Variants in FNDC3B observed in about 807,000 individuals in gnomAD.
FNDC3B encodes fibronectin type III domain-containing protein 3B.
Under a neutral mutation model 151.5 loss-of-function variants are expected in FNDC3B, and 12 were observed. That is an observed-to-expected ratio of 0.08 (90% CI 0.05 to 0.13). FNDC3B has a LOEUF of 0.13. Among genes scored for constraint, FNDC3B ranks in the 10% least tolerant of loss-of-function variants. FNDC3B has a pLI of 1.00. For missense variants in FNDC3B, 1,214 were observed against 1,505.3 expected (o/e 0.81, Z 3.20); for synonymous variants, 528 against 549.0 (o/e 0.96, Z 0.54).
chr3:172,366,009 T>G (rs1734606308), intron 23 of FNDC3B, among the ~76,000 whole-genome samples: 2 of 152,208 alleles, frequency 1.3e-5, no homozygotes, highest in African/African-American at 4.8e-5. Flanking sequence ...TATTTGTGAA[T>G]TAAATCCTTT....
At chr3:172,384,082 C>T (rs9831403) in intron 25 of FNDC3B, among the ~76,000 whole-genome samples, 12,804 of 152,094 alleles carry the variant, frequency 0.084, 646 homozygotes, top group Middle Eastern at 0.17. Context: ...TTAAATTTCT[C>T]ATTGGTGTTT....
chr3:172,154,764 G>C (rs1056347017), intron 3 of FNDC3B, among the ~76,000 whole-genome samples: 2 of 152,116 alleles, frequency 1.3e-5, no homozygotes, highest in South Asian at 2.1e-4. Flanking sequence ...GTAGGGTCAC[G>C]GTGTTAGGTC....
At chr3:172,122,125 T>C (rs1720582186) in intron 2 of FNDC3B, among the ~76,000 whole-genome samples, 1 of 152,248 alleles carries the variant, frequency 6.6e-6, no homozygotes, top group African/African-American at 2.4e-5. Flanking sequence ...CGTTTTCATG[T>C]AGGCAGACTC....
intron 1 of FNDC3B, among the ~76,000 whole-genome samples, chr3:172,105,661 C>G (rs1719610552): frequency 6.6e-6 from 1 of 150,786 alleles, no homozygotes; most frequent in Non-Finnish European, 1.5e-5. Flanking sequence ...CCATGTTGCC[C>G]ACACGGGCCT....
intron 3 of FNDC3B, among the ~76,000 whole-genome samples, chr3:172,195,383 GTACAC>G (rs2108679964): frequency 6.6e-6 from 1 of 152,218 alleles, no homozygotes; most frequent in Non-Finnish European, 1.5e-5. Flanking sequence ...TAAACAAATG[GTACAC>G]TATGTAGCAT....
At chr3:172,390,540 CTT>C (rs1173476820) in intron 25 of FNDC3B, among the ~76,000 whole-genome samples, 2 of 144,124 alleles carry the variant, frequency 1.4e-5, no homozygotes, top group African/African-American at 2.5e-5. Flanking sequence ...TTTGGGCTCA[CTT>C]TTTTTTTTTT....
chr3:172,270,323 T>C (rs889419358), intron 6 of FNDC3B, among the ~76,000 whole-genome samples: 1 of 152,224 alleles, frequency 6.6e-6, no homozygotes, highest in Non-Finnish European at 1.5e-5. Context: ...AAAACCCCCA[T>C]GTTTTCCTTT....
chr3:172,381,509 T>C (rs1735434739), intron 25 of FNDC3B, among the ~76,000 whole-genome samples: 1 of 152,096 alleles, frequency 6.6e-6, no homozygotes, highest in South Asian at 2.1e-4. Flanking sequence ...CTGGGATACA[T>C]GTGTAGAATA....
At chr3:172,371,972 A>G (rs945569583) in intron 23 of FNDC3B, among the ~76,000 whole-genome samples, 2 of 152,224 alleles carry the variant, frequency 1.3e-5, no homozygotes, top group Admixed American at 6.5e-5. Context: ...GGAACATTTA[A>G]TAAGTGCTAG....
intron 6 of FNDC3B, among the ~76,000 whole-genome samples, chr3:172,284,850 T>C (rs1435059519): frequency 6.6e-6 from 1 of 151,406 alleles, no homozygotes; most frequent in Non-Finnish European, 1.5e-5. Context: ...CAGGGACATA[T>C]GTCTTAGTGA....
At chr3:172,299,502 G>A (rs1730793668) in intron 9 of FNDC3B, among the ~76,000 whole-genome samples, 1 of 152,010 alleles carries the variant, frequency 6.6e-6, no homozygotes, top group African/African-American at 2.4e-5. Context: ...CAATAAGAAG[G>A]TCTGAATATG....
intron 20 of FNDC3B, 112 bp downstream of exon 20, chr3:172,346,552 T>TC: frequency 1.6e-6 from 1 of 623,298 alleles, no homozygotes. Flanking sequence ...ATGATTTTTT[T>TC]TTTTTTTTTG....
intron 4 of FNDC3B, among the ~76,000 whole-genome samples, chr3:172,236,223 G>T (rs570291915): frequency 4.6e-5 from 7 of 152,256 alleles, no homozygotes. Flanking sequence ...TTTGATTTTT[G>T]ATTTTTGATT....
intron 11 of FNDC3B, chr3:172,317,100 C>T: frequency 2.3e-6 from 1 of 440,182 alleles, no homozygotes. Context: ...GAGGATAGAG[C>T]CCTTGTGACC....
At chr3:172,362,584 G>A in intron 22 of FNDC3B, 49 bp from the exon 23 acceptor site, 1 of 1,319,630 alleles carries the variant, frequency 7.6e-7, no homozygotes, top group Non-Finnish European at 1.1e-6. Context: ...ATGAAGAATT[G>A]CTGCTGCTTT....
chr3:172,380,700 A>G (rs1004333884), intron 24 of FNDC3B, among the ~76,000 whole-genome samples: 5 of 152,254 alleles, frequency 3.3e-5, no homozygotes, highest in Non-Finnish European at 5.9e-5. Flanking sequence ...CATAGGAGAA[A>G]AAAAGATGTG....
chr3:172,296,892 G>T (rs1730641834), intron 8 of FNDC3B, among the ~76,000 whole-genome samples: 1 of 152,154 alleles, frequency 6.6e-6, no homozygotes, highest in African/African-American at 2.4e-5. Flanking sequence ...TACGCTCTGT[G>T]GGGGTGGGGT....
chr3:172,159,834 C>A (rs1431333162), intron 3 of FNDC3B, among the ~76,000 whole-genome samples: 2 of 152,224 alleles, frequency 1.3e-5, no homozygotes, highest in Non-Finnish European at 2.9e-5. Flanking sequence ...GAAATCTCAT[C>A]TGCTGTACTG....
rs180883720 is a variant in FNDC3B at position 172,285,458 on chromosome 3, A to G, written c.791-468A>G. 1.2e-4 allele frequency among the ~76,000 whole-genome samples: 19 copies of G among 152,328 alleles called. 1 individual carries two copies. In the East Asian group the frequency reaches 3.5e-3, roughly 28 times the overall value. ...CCCCAGTGGCTGCCCGTCGAACGTA[A>G]ACATGTGAACTTAAGTAAACAAGTA... On this transcript the variant is annotated intron_variant, in intron 6 of 25. Transcript: ENST00000415807.
Sources: allele counts gnomAD v4.1 joint callset (sites outside exome capture counted in the v4.1 genomes callset), GRCh38; gene constraint gnomAD v4.1.1; transcripts MANE v1.5; gene names NCBI Gene and HGNC (gene_info 2026-07-23, HGNC 2026-07-21).